GRID2IP: variants seen among roughly 807,000 people sequenced by gnomAD.
GRID2IP encodes Grid2 interacting protein, also known as delphilin.
GRID2IP carries 78 observed loss-of-function variants against 114.3 expected under a neutral mutation model. The ratio of observed to expected loss-of-function variants is 0.68; its 90% CI spans 0.57 to 0.82. The LOEUF (loss-of-function observed/expected upper bound fraction) is 0.82. Ranked by LOEUF, GRID2IP falls within the 40% of genes least tolerant of loss-of-function variation. The pLI, the probability that GRID2IP is intolerant of heterozygous loss-of-function variation, is 0.00. For missense variants in GRID2IP, 1,727 were observed against 1,678.5 expected, an observed-to-expected ratio of 1.03 and a Z score of -0.51; for synonymous variants, 809 against 724.0, an observed-to-expected ratio of 1.12 and a Z score of -1.89.
At position 6,551,322 on chromosome 7, in the gene GRID2IP, G is replaced by T. The variant is rs936094138; in HGVS notation, c.115C>A (p.His39Asn). Residue 39 changes from histidine to asparagine, a missense_variant, in exon 1 of 22, where the codon CAT (histidine) becomes AAT (asparagine). His to Asn is a moderately conservative substitution (Grantham distance 68). Coordinates refer to ENST00000457091, the MANE Select transcript of GRID2IP (RefSeq NM_001145118.2). ...TCTCCTGGCCGCAGTCCTCCGGCATGCGCGCTGCTCCCCTTGGCCACCTCC... is the reference window on the plus strand; with the variant it reads ...TCTCCTGGCCGCAGTCCTCCGGCATTCGCGCTGCTCCCCTTGGCCACCTCC... The part of the protein sequence containing the change: ...VLEVAKGSSA[H>N]AGGLRPGDQI... 27 of 1,546,528 alleles carry T rather than the reference G, an allele frequency of 1.7e-5. No individual in the cohort carries two copies. Among genetic ancestry groups the T allele is most frequent in the Middle Eastern group, 3.4e-4 (2 of 5,900 alleles).
At chr7:6,531,322 C>G (rs113602357) in intron 2 of GRID2IP, 5 of 391,176 alleles carry the variant, frequency 1.3e-5, no homozygotes, top group African/African-American at 2.1e-5. Context: ...TTTGGTCGCT[C>G]TGGGGTGCAG....
chr7:6,530,769 G>A (rs1048864910), intron 2 of GRID2IP, among the ~76,000 whole-genome samples: 2 of 152,192 alleles, frequency 1.3e-5, no homozygotes, highest in Non-Finnish European at 2.9e-5. Flanking sequence ...CCCTCGACCA[G>A]CCCAATTGTA....
Position 6,497,844 on chromosome 7 carries a change from C to A in GRID2IP, c.3566G>T (p.Arg1189Leu). 1 of 1,549,794 alleles carries A rather than the reference C, an allele frequency of 6.5e-7. No homozygotes were observed. Among genetic ancestry groups the A allele is most frequent in the Non-Finnish European group, 8.7e-7 (1 of 1,146,498 alleles). The change falls in exon 22 of 22, where the codon CGA (arginine) becomes CTA (leucine). Residue 1189 changes from arginine (R) to leucine (L), a missense_variant and splice_region_variant. Coordinates refer to ENST00000457091, the MANE Select transcript of GRID2IP (RefSeq NM_001145118.2). The part of the protein sequence containing the change: ...IFAEFMSKFE[R>L]ALSDLQAGEG... ...CCCGGCCTGCAGGTCACTCAGCGCT[C>A]GCTGGGGAGGGGGAACACAGAGGTA...
At position 6,505,844 on chromosome 7, in the gene GRID2IP, G is replaced by A; in HGVS notation, c.2608C>T (p.His870Tyr). 4.5e-6 allele frequency: 7 copies of A among 1,552,004 alleles called. No homozygotes were observed. The highest frequency in any genetic ancestry group is 6.1e-6 in the Non-Finnish European group (7 of 1,146,950). ...CTAGCAGGTTTCTGGGTGCCGAAGT[G>A]GAGCTCCAGGTCGAGGTATTTCACC... ...DMVKYLDLEL[H>Y]FGTQKPAKPV... The change falls in exon 14 of 22, where the codon CAC becomes TAC. Residue 870 changes from histidine (H) to tyrosine (Y), a missense_variant. By Grantham distance (83) the His-to-Tyr change is moderately conservative. Coordinates refer to ENST00000457091, the MANE Select transcript of GRID2IP (RefSeq NM_001145118.2).
Position 6,508,639 on chromosome 7 carries a change from G to A in GRID2IP, c.2128-238C>T, listed in dbSNP as rs1416923180. 6.6e-6 allele frequency among the ~76,000 whole-genome samples: 1 copy of A among 152,136 alleles called. No homozygotes were observed. The highest frequency in any genetic ancestry group is 1.5e-5 in the Non-Finnish European group (1 of 68,012). ...CCCTCTCATGGGTAAGCCTCAGGCT[G>A]TGAGGGGGATAGCCTGGAATAAGGA... On this transcript the variant is annotated intron_variant, in intron 12 of 21. Transcript: ENST00000457091. The surrounding 1 kb of genome is among the most constrained non-coding windows in gnomAD (Gnocchi z 5.6).
chr7:6,503,734 C>G (rs1459889387), intron 15 of GRID2IP, 47 bp from the exon 16 acceptor site: 2 of 1,355,134 alleles, frequency 1.5e-6, no homozygotes, highest in East Asian at 2.9e-5. Context: ...GGAGCGGGGC[C>G]GGATGGGACC....
chr7:6,501,687 G>T (rs1461890097), intron 20 of GRID2IP, 94 bp downstream of exon 20: 5 of 845,406 alleles, frequency 5.9e-6, no homozygotes, highest in Non-Finnish European at 9.8e-6. Flanking sequence ...TCTGCTGGAA[G>T]TCGAGGTCTC....
rs1786639990 is a variant in GRID2IP, at chr7:6,507,869, G to C, written c.2544+116C>G. ...TGGGCTGGGCCTCTACTCATCCTCT[G>C]CTTGGGGTAGGGAGGATGATGTTGG... is the stretch of plus-strand genomic sequence containing the variant. On this transcript the variant is annotated intron_variant, in intron 13 of 21. Coordinates refer to ENST00000457091, the MANE Select transcript of GRID2IP (RefSeq NM_001145118.2). This position sits in a 1 kb window ranked among gnomAD's most constrained non-coding sequence, Gnocchi z 5.3. The C allele has an allele frequency of 8.3e-6, 12 of 1,440,306 alleles. No homozygotes were observed. The highest frequency in any genetic ancestry group is 1.4e-5 in the South Asian group (1 of 70,086). The allele number at this position is 1,440,306 out of a possible 1,614,324, so 89.2% of individuals were successfully genotyped here. A position where few individuals can be genotyped will look rare whatever the true frequency, so the allele number is the denominator to read the frequency against.
At chr7:6,544,815 C>T (rs1484328669) in intron 1 of GRID2IP, among the ~76,000 whole-genome samples, 2 of 151,998 alleles carry the variant, frequency 1.3e-5, no homozygotes, top group Non-Finnish European at 2.9e-5. Flanking sequence ...GGCGCGGTGG[C>T]TCATGCCTGT....
rs1323871825 is a variant in GRID2IP, at chr7:6,536,632, G to T, written c.584+3086C>A. ...GGAGACGAGCGAGCCAACTTCCTGG[G>T]GGACAGCTGGGCCGCCTGCGCCCCG... On this transcript the variant is annotated intron_variant, in intron 2 of 21. Transcript: ENST00000457091. This position sits in a 1 kb window ranked among gnomAD's most constrained non-coding sequence, Gnocchi z 5.3. Among the ~76,000 whole-genome samples the T allele has an allele frequency of 6.6e-6, 1 of 152,082 alleles. No homozygotes were observed. The highest frequency in any genetic ancestry group is 2.1e-4 in the South Asian group (1 of 4,830).
At position 6,526,629 on chromosome 7, in the gene GRID2IP, A is replaced by C; in HGVS notation, c.725T>G (p.Leu242Arg). The C allele has an allele frequency of 1.5e-6, 2 of 1,328,730 alleles. No homozygotes were observed. Among genetic ancestry groups the C allele is most frequent in the South Asian group, 3.5e-5 (2 of 57,876 alleles). The allele number at this position is 1,328,730 out of a possible 1,614,324, so 82.3% of individuals were successfully genotyped here. The stretch of plus-strand genomic sequence containing the variant: ...GGCGCTGGCGCGCGTGGACACCAGG[A>C]GGCGCTCCGGCCGCTCCTCGCTGCG... ...RSRSEERPER[L>R]LVSTRASAPP... is the part of the protein sequence containing the mutation. The change falls in exon 3 of 22, where the codon CTC becomes CGC. Residue 242 changes from leucine (L) to arginine (R), a missense_variant. Leu to Arg is a moderately radical substitution (Grantham distance 102). Transcript: ENST00000457091. The surrounding 1 kb of genome is among the most constrained non-coding windows in gnomAD (Gnocchi z 7.6).
chr7:6,504,300 G>T lies in GRID2IP; in HGVS notation c.2710+493C>A, dbSNP rs891189805. On this transcript the variant is annotated intron_variant, in intron 15 of 21. Transcript: ENST00000457091. Reference sequence around the variant, plus strand: ...GGGGGGAGAGGGCGGGGCCCAGCAGGGAGAGGGCGAAGCTTCCAGGTGGGC... The same window carrying T: ...GGGGGGAGAGGGCGGGGCCCAGCAGTGAGAGGGCGAAGCTTCCAGGTGGGC... Among the ~76,000 whole-genome samples, 65 of 151,924 alleles carry T rather than the reference G, an allele frequency of 4.3e-4. No homozygotes were observed. The Middle Eastern group carries it at 0.01, about 24-fold the overall frequency.
chr7:6,550,977 C>CAA, intron 1 of GRID2IP, 31 bp downstream of exon 1: 4 of 604,992 alleles, frequency 6.6e-6, no homozygotes, highest in Non-Finnish European at 8.8e-6. Context: ...CCCCCTCCTT[C>CAA]CCGCCCCCAC....
At chr7:6,525,092 G>A (rs1779484886) in intron 4 of GRID2IP, among the ~76,000 whole-genome samples, 1 of 151,956 alleles carries the variant, frequency 6.6e-6, no homozygotes, top group African/African-American at 2.4e-5. Context: ...ATCACCCGAG[G>A]CCAGGAGTTC....
In GRID2IP at chr7:6,548,619, C is replaced by T. The variant is rs1353612069; in HGVS notation, c.429+2389G>A. On this transcript the variant is annotated intron_variant, in intron 1 of 21. Coordinates refer to ENST00000457091, the MANE Select transcript of GRID2IP (RefSeq NM_001145118.2). ...CTGGGAGGCCGCAGCAGATGGATCA[C>T]GAGGTCAGGAGTTCAAGACCAGCCT... 3.3e-5 allele frequency among the ~76,000 whole-genome samples: 5 copies of T among 151,828 alleles called. No homozygotes were observed. The South Asian group carries it at 1.0e-3, about 32-fold the overall frequency.
chr7:6,503,353 A>G, intron 16 of GRID2IP, 138 bp downstream of exon 16: 1 of 1,016,722 alleles, frequency 9.8e-7, no homozygotes, highest in Non-Finnish European at 1.4e-6. Flanking sequence ...CCCGGCCATT[A>G]AAGGTGTTAA....
At position 6,526,367 on chromosome 7, in the gene GRID2IP, G is replaced by T; in HGVS notation, c.834-58C>A. The stretch of plus-strand genomic sequence containing the variant: ...GGAGAGGGGGCCCTGGGGCGCAGAG[G>T]TTGGAGATGTCCCGTGTCCCTCTCC... On this transcript the variant is annotated intron_variant, in intron 3 of 21. Transcript: ENST00000457091. The surrounding 1 kb of genome is among the most constrained non-coding windows in gnomAD (Gnocchi z 7.6). 10 of 1,517,092 alleles carry T rather than the reference G, an allele frequency of 6.6e-6. No individual in the cohort carries two copies. The South Asian group carries it at 9.6e-5, about 15-fold the overall frequency. 94.0% of individuals were successfully genotyped at this position (1,517,092 alleles called of 1,614,324 possible). A position where few individuals can be genotyped will look rare whatever the true frequency, so the allele number is the denominator to read the frequency against.
At position 6,551,258 on chromosome 7, in the gene GRID2IP, AGACCG is replaced by A. The variant is rs1229406464; in HGVS notation, c.174_178del (p.Gly59GlufsTer56). On this transcript the variant is annotated frameshift_variant, in exon 1 of 22. Transcript: ENST00000457091. LOFTEE classifies it high-confidence loss of function. Reference sequence around the variant, plus strand: ...CAGGCGCACGAGGCGCTCGCGGCTCAGACCGCCCACCGCCAGCCCCTCCACCTCCA... The same window carrying A: ...CAGGCGCACGAGGCGCTCGCGGCTCACCCACCGCCAGCCCCTCCACCTCCA... 2 of 1,535,344 alleles carry A rather than the reference AGACCG, an allele frequency of 1.3e-6. No homozygotes were observed. The highest frequency in any genetic ancestry group is 2.0e-5 in the Admixed American group (1 of 50,818).
intron 8 of GRID2IP, 76 bp downstream of exon 8, chr7:6,514,299 G>C: frequency 8.0e-7 from 1 of 1,252,786 alleles, no homozygotes; most frequent in Non-Finnish European, 1.1e-6. Flanking sequence ...GTGAGAACAG[G>C]TGTCTGTCTG....
Sources: allele counts gnomAD v4.1 joint callset (sites outside exome capture counted in the v4.1 genomes callset), GRCh38; gene constraint gnomAD v4.1.1; non-coding constraint Gnocchi (gnomAD v3.1); transcripts MANE v1.5; gene names NCBI Gene and HGNC (gene_info 2026-07-23, HGNC 2026-07-21).